CCDC178: variants seen among roughly 807,000 people sequenced by gnomAD.
The protein encoded by CCDC178 is coiled-coil domain-containing protein 178.
CCDC178 carries 126 observed loss-of-function variants against 117.4 expected under a neutral mutation model. That is an observed-to-expected ratio of 1.07 (90% CI 0.93 to 1.24). The LOEUF (loss-of-function observed/expected upper bound fraction) is 1.24. CCDC178 is among the 50% of genes most tolerant of loss of function. The probability of loss-of-function intolerance (pLI) is 0.00; values close to 1 mark genes in which losing one functional copy is unlikely to be tolerated. For missense variants in CCDC178, 1,030 were observed against 986.9 expected (o/e 1.04, Z -0.59); for synonymous variants, 283 against 313.4 (o/e 0.90, Z 1.02).
chr18:33,057,090 C>A (rs1355047395), intron 21 of CCDC178, among the ~76,000 whole-genome samples: 1 of 151,352 alleles, frequency 6.6e-6, no homozygotes, highest in African/African-American at 2.4e-5. Context: ...GAATAAAAGA[C>A]ATTATTTATT....
chr18:33,168,631 T>A (rs1274566404), intron 20 of CCDC178, among the ~76,000 whole-genome samples: 2 of 152,172 alleles, frequency 1.3e-5, no homozygotes, highest in African/African-American at 2.4e-5. Flanking sequence ...CTAAGAGCAT[T>A]TGAAGTATGA....
At chr18:33,371,784 T>TATACACACACACACACACACACAC in intron 5 of CCDC178, among the ~76,000 whole-genome samples, 1 of 144,308 alleles carries the variant, frequency 6.9e-6, no homozygotes, top group East Asian at 2.1e-4. Context: ...TAAACATATA[T>TATACACACACACACACACACACAC]ACACACACAC....
intron 21 of CCDC178, among the ~76,000 whole-genome samples, chr18:33,076,972 A>C (rs1389749381): frequency 6.6e-6 from 1 of 152,118 alleles, no homozygotes; most frequent in African/African-American, 2.4e-5. Context: ...CTAGTGGGAG[A>C]GGTACTTATC....
rs372832750 is a variant in CCDC178 at position 32,957,943 on chromosome 18, A to G, written c.2523+16604T>C. The G allele has an allele frequency of 7.5e-4, 172 of 228,380 alleles. 7 individuals are homozygous for G. The South Asian group carries it at 0.026, about 35-fold the overall frequency. 14.1% of individuals were successfully genotyped at this position (228,380 alleles called of 1,614,324 possible). On this transcript the variant is annotated intron_variant, in intron 22 of 22. Coordinates refer to ENST00000383096, the MANE Select transcript of CCDC178 (RefSeq NM_001105528.4). ...TCTGTGGCCCCAAACTCCTAATTTA[A>G]AAATGTTGATAAATGAAGTACCTCT...
At chr18:33,203,442 T>C (rs2059015113) in intron 20 of CCDC178, among the ~76,000 whole-genome samples, 2 of 152,324 alleles carry the variant, frequency 1.3e-5, no homozygotes, top group Non-Finnish European at 2.9e-5. Context: ...CTCTGCTTTA[T>C]TGATATGCCT....
chr18:33,128,598 T>C (rs2058035313), intron 20 of CCDC178, among the ~76,000 whole-genome samples: 1 of 152,176 alleles, frequency 6.6e-6, no homozygotes, highest in African/African-American at 2.4e-5. Flanking sequence ...TTAGAATCCT[T>C]GGCACATTAA....
intron 21 of CCDC178, among the ~76,000 whole-genome samples, chr18:33,077,527 C>T (rs1201312903): frequency 2.0e-5 from 3 of 151,836 alleles, no homozygotes; most frequent in Non-Finnish European, 4.4e-5. Flanking sequence ...ATAGATAGGC[C>T]ACTAGCTGGA....
intron 21 of CCDC178, among the ~76,000 whole-genome samples, chr18:33,070,890 A>G (rs1276863206): frequency 1.3e-5 from 2 of 152,232 alleles, no homozygotes; most frequent in African/African-American, 2.4e-5. Flanking sequence ...ATTAATAAAG[A>G]CAAATGCAAA....
intron 21 of CCDC178, among the ~76,000 whole-genome samples, chr18:33,086,013 T>C (rs1327095005): frequency 1.3e-5 from 2 of 151,956 alleles, no homozygotes; most frequent in Admixed American, 6.6e-5. Flanking sequence ...TAACAGATAA[T>C]CCCACAGAAT....
At chr18:32,989,293 G>A (rs1012896747) in intron 21 of CCDC178, among the ~76,000 whole-genome samples, 1 of 152,024 alleles carries the variant, frequency 6.6e-6, no homozygotes, top group Non-Finnish European at 1.5e-5. Context: ...TTCTAGGAAC[G>A]CAAGACTTAA....
intron 15 of CCDC178, among the ~76,000 whole-genome samples, chr18:33,237,659 C>T (rs2059441208): frequency 6.6e-6 from 1 of 152,044 alleles, no homozygotes; most frequent in Admixed American, 6.6e-5. Flanking sequence ...CAACTCCAGG[C>T]CAGCGAGGAA....
intron 20 of CCDC178, among the ~76,000 whole-genome samples, chr18:33,179,507 CA>C (rs1255447977): frequency 6.6e-6 from 1 of 151,738 alleles, no homozygotes; most frequent in African/African-American, 2.4e-5. Context: ...TGCCATAACA[CA>C]AAGGAAATAT....
chr18:32,961,569 C>T (rs1339181591), intron 22 of CCDC178, among the ~76,000 whole-genome samples: 6 of 152,030 alleles, frequency 3.9e-5, no homozygotes, highest in Non-Finnish European at 8.8e-5. Flanking sequence ...CACAAGGGGC[C>T]GGTTTCGTGG....
intron 2 of CCDC178, among the ~76,000 whole-genome samples, chr18:33,426,922 TAATAA>T (rs1202452955): frequency 6.6e-6 from 1 of 152,118 alleles, no homozygotes; most frequent in Non-Finnish European, 1.5e-5. Context: ...GAGTTATTGT[TAATAA>T]AATAAAGTAA....
At chr18:33,240,458 A>C (rs1418072734) in intron 15 of CCDC178, among the ~76,000 whole-genome samples, 1 of 151,836 alleles carries the variant, frequency 6.6e-6, no homozygotes, top group African/African-American at 2.4e-5. Context: ...GAAAATAAAC[A>C]AAATTGAGAA....
At chr18:33,228,499 A>G (rs1272794849) in intron 15 of CCDC178, among the ~76,000 whole-genome samples, 1 of 152,236 alleles carries the variant, frequency 6.6e-6, no homozygotes, top group African/African-American at 2.4e-5. Context: ...AAGCTGCAAG[A>G]ATAAGACACT....
At chr18:33,163,732 A>T (rs2058493913) in intron 20 of CCDC178, among the ~76,000 whole-genome samples, 1 of 152,196 alleles carries the variant, frequency 6.6e-6, no homozygotes, top group South Asian at 2.1e-4. Context: ...AGCCAAAACT[A>T]ATCACATCAA....
intron 20 of CCDC178, among the ~76,000 whole-genome samples, chr18:33,096,122 C>CT (rs918948208): frequency 2.9e-4 from 44 of 150,858 alleles, no homozygotes; most frequent in African/African-American, 1.0e-3. Context: ...CCCCACCCCC[C>CT]CCACTTGACT....
At chr18:33,266,880 T>C (rs1276279728) in intron 14 of CCDC178, 36 bp downstream of exon 14, 1 of 1,465,342 alleles carries the variant, frequency 6.8e-7, no homozygotes, top group Non-Finnish European at 9.2e-7. Flanking sequence ...CATATTGGAT[T>C]ATGGTATATA....
Sources: gnomAD v4.1 joint callset for allele counts (sites outside exome capture counted in the v4.1 genomes callset) on GRCh38, gnomAD v4.1.1 for gene constraint, MANE v1.5 for transcripts, NCBI Gene and HGNC (gene_info 2026-07-23, HGNC 2026-07-21) for gene names.